Variants in ZNF730 observed in about 807,000 individuals in gnomAD.
ZNF730 encodes the protein zinc finger protein 730.
Under a neutral mutation model 12.6 loss-of-function variants are expected in ZNF730, and 12 were observed. The ratio of observed to expected loss-of-function variants is 0.95; its 90% CI spans 0.61 to 1.54. The LOEUF is 1.54. ZNF730 is among the 40% of genes most tolerant of loss of function. ZNF730 has a pLI of 0.00. For synonymous variants in ZNF730, 194 were observed against 195.8 expected (o/e 0.99, Z 0.08); for missense variants, 643 against 583.5 (o/e 1.10, Z -1.05).
chr19:23,111,868 C>T (rs892360464), intron 1 of ZNF730, among the ~76,000 whole-genome samples: 21 of 152,190 alleles, frequency 1.4e-4, no homozygotes, highest in African/African-American at 5.1e-4. Flanking sequence ...AATATGTTGG[C>T]CATTTAAAAA....
intron 1 of ZNF730, among the ~76,000 whole-genome samples, chr19:23,096,660 C>T (rs77540804): frequency 1.6e-3 from 247 of 152,298 alleles, no homozygotes; most frequent in African/African-American, 5.8e-3. Flanking sequence ...ATTTTGAGCC[C>T]ATCATTTAGG....
At chr19:23,118,367 T>TG (rs1970558983) in intron 1 of ZNF730, among the ~76,000 whole-genome samples, 2 of 62,228 alleles carry the variant, frequency 3.2e-5, no homozygotes, top group African/African-American at 1.3e-4. Flanking sequence ...TTGTTTTTTG[T>TG]TTTTTTTTTT....
chr19:23,081,278 T>C (rs1969962140), intron 1 of ZNF730, among the ~76,000 whole-genome samples: 1 of 151,844 alleles, frequency 6.6e-6, no homozygotes, highest in Non-Finnish European at 1.5e-5. Context: ...CTGAGCAGCT[T>C]GGATTACAGG....
chr19:23,112,017 A>AGG, intron 1 of ZNF730, among the ~76,000 whole-genome samples: 1 of 152,146 alleles, frequency 6.6e-6, no homozygotes, highest in South Asian at 2.1e-4. Flanking sequence ...GAAAGCCTTA[A>AGG]TAGTCTACTG....
At chr19:23,130,190 G>C (rs1016792599) in intron 1 of ZNF730, among the ~76,000 whole-genome samples, 1 of 151,922 alleles carries the variant, frequency 6.6e-6, no homozygotes. Context: ...TATGGGAGTG[G>C]GTCTTCCCTG....
Position 23,118,711 on chromosome 19 carries a change from G to A in ZNF730, c.3+1535G>A, listed in dbSNP as rs1017651605. 5.3e-5 allele frequency among the ~76,000 whole-genome samples: 8 copies of A among 152,112 alleles called. No homozygotes were observed. The South Asian group carries it at 6.2e-4, about 12-fold the overall frequency. On this transcript the variant is annotated intron_variant, in intron 1 of 3. Transcript: ENST00000597761. ...CATTGCGGGTCAGCCAATCTTATGC[G>A]GGTATTGAGGGAAAAACAGAAGTGA...
intron 1 of ZNF730, among the ~76,000 whole-genome samples, chr19:23,082,380 T>A (rs988776428): frequency 2.0e-5 from 3 of 151,738 alleles, no homozygotes; most frequent in Admixed American, 2.0e-4. Context: ...GGAGTCTTGC[T>A]CTGTTGCCCA....
intron 1 of ZNF730, chr19:23,095,369 G>A: frequency 2.5e-6 from 1 of 398,608 alleles, no homozygotes; most frequent in South Asian, 1.3e-4. Context: ...CCAACAACTG[G>A]TTGATGTAGC....
chr19:23,114,300 C>CTTTTTTTTTTTTTTTTTTTTTTTT (rs11413226), upstream of ZNF730, among the ~76,000 whole-genome samples: 15 of 119,538 alleles, frequency 1.3e-4, 4 homozygotes, highest in African/African-American at 5.2e-4. Context: ...TTTTCTTTTT[C>CTTTTTTTTTTTTTTTTTTTTTTTT]TTTTCTTTTT....
rs187241330 is a variant in ZNF730 at position 23,146,274 on chromosome 19, C to A, written c.1230C>A (p.His410Gln). Residue 410 changes from histidine (H) to glutamine (Q), a missense_variant, in exon 4 of 4, where the codon CAC becomes CAA. Physicochemically the swap from His to Gln is conservative, Grantham distance 24. Transcript: ENST00000597761. ...ECGKAFSRIS[H>Q]LTTHKRIHTG... Reference sequence around the variant, plus strand: ...GCAAAGCCTTTAGCCGTATCTCACACCTTACTACACATAAGAGAATTCATA... The same window carrying A: ...GCAAAGCCTTTAGCCGTATCTCACAACTTACTACACATAAGAGAATTCATA... 1.4e-3 allele frequency: 2,196 copies of A among 1,613,326 alleles called. 4 individuals carry two copies. Among genetic ancestry groups the A allele is most frequent in the Admixed American group, 3.9e-3 (236 of 59,990 alleles).
chr19:23,079,332 T>C (rs1041691133), intron 1 of ZNF730, among the ~76,000 whole-genome samples: 4 of 151,938 alleles, frequency 2.6e-5, no homozygotes, highest in Non-Finnish European at 5.9e-5. Context: ...TTATTTTGTA[T>C]TTTTAGTGAA....
chr19:23,134,288 C>A, intron 2 of ZNF730, 82 bp downstream of exon 2: 1 of 1,252,928 alleles, frequency 8.0e-7, no homozygotes, highest in Non-Finnish European at 1.1e-6. Flanking sequence ...CTTTCAGATC[C>A]CGGGTTTTTT....
intron 1 of ZNF730, among the ~76,000 whole-genome samples, chr19:23,097,424 T>C (rs750990609): frequency 7.2e-5 from 11 of 151,938 alleles, no homozygotes; most frequent in African/African-American, 1.2e-4. Context: ...CTGATGTAAC[T>C]CTTCTCGTCT....
intron 3 of ZNF730, among the ~76,000 whole-genome samples, chr19:23,139,843 CT>C (rs1440999472): frequency 2.0e-5 from 3 of 152,014 alleles, no homozygotes; most frequent in Non-Finnish European, 4.4e-5. Context: ...CTTTTTAATG[CT>C]ACATCAACGT....
At chr19:23,116,851 A>G, upstream of ZNF730, 1 of 301,288 alleles carries the variant, frequency 3.3e-6, no homozygotes, top group Admixed American at 5.4e-5. Context: ...CCTGCCCGAA[A>G]AGGCTGCAGC....
intron 1 of ZNF730, among the ~76,000 whole-genome samples, chr19:23,102,985 A>G (rs1028221651): frequency 6.6e-5 from 10 of 152,330 alleles, no homozygotes; most frequent in Admixed American, 5.2e-4. Context: ...TTCAGAACAC[A>G]GGTGAGATTG....
chr19:23,133,530 T>C (rs911981488), intron 1 of ZNF730, among the ~76,000 whole-genome samples: 1 of 152,116 alleles, frequency 6.6e-6, no homozygotes, highest in Non-Finnish European at 1.5e-5. Context: ...TTAGTAGAGA[T>C]GGGATTTCTC....
intron 1 of ZNF730, among the ~76,000 whole-genome samples, chr19:23,076,869 A>G (rs1459764330): frequency 1.3e-5 from 2 of 152,184 alleles, no homozygotes; most frequent in African/African-American, 2.4e-5. Context: ...TCATTCTACT[A>G]TAAAGACACG....
intron 1 of ZNF730, 68 bp from the exon 2 acceptor site, chr19:23,134,006 TTTCACC>T: frequency 6.3e-7 from 1 of 1,583,558 alleles, no homozygotes. Context: ...TTTACTCTTA[TTTCACC>T]TTGAGTGAAA....
Sources: gnomAD v4.1 joint callset for allele counts (sites outside exome capture counted in the v4.1 genomes callset) on GRCh38, gnomAD v4.1.1 for gene constraint, MANE v1.5 for transcripts, NCBI Gene and HGNC (gene_info 2026-07-23, HGNC 2026-07-21) for gene names.